The following EMC3 variants were observed in gnomAD, a reference collection of about 807,000 sequenced individuals.
The protein encoded by EMC3 is ER membrane protein complex subunit 3, also known as 30 kDa protein.
In EMC3, 13 loss-of-function variants were observed where a neutral mutation model predicts 36.6. That is an observed-to-expected ratio of 0.35 (90% CI 0.23 to 0.56). The LOEUF is 0.56. Among genes scored for constraint, EMC3 ranks in the 20% least tolerant of loss-of-function variants. EMC3 has a pLI of 0.84. For missense variants in EMC3, 220 were observed against 324.5 expected, an observed-to-expected ratio of 0.68 and a Z score of 2.47; for synonymous variants, 120 against 111.9, an observed-to-expected ratio of 1.07 and a Z score of -0.46.
At chr3:10,009,299 C>G (rs1291026753) in intron 1 of EMC3, among the ~76,000 whole-genome samples, 2 of 152,216 alleles carry the variant, frequency 1.3e-5, no homozygotes, top group Non-Finnish European at 2.9e-5. Context: ...TTGCTAGTAT[C>G]TGTCCCCTTT....
chr3:9,975,481 T>G (rs1228103694), intron 3 of EMC3, among the ~76,000 whole-genome samples: 2 of 151,832 alleles, frequency 1.3e-5, no homozygotes, highest in East Asian at 3.9e-4. Context: ...GACAATCTTT[T>G]CAATCTTTTG....
chr3:9,973,830 A>ATTTCCTTGT, intron 4 of EMC3, 121 bp from the exon 5 acceptor site: 1 of 876,156 alleles, frequency 1.1e-6, no homozygotes, highest in Non-Finnish European at 1.9e-6. Flanking sequence ...GACTTCCACA[A>ATTTCCTTGT]GGAAATCTGT....
chr3:9,982,780 G>A lies in EMC3; in HGVS notation c.155+3727C>T, dbSNP rs115152696. 9.2e-3 allele frequency among the ~76,000 whole-genome samples: 1,393 copies of A among 151,896 alleles called. 16 individuals are homozygous for A. Among genetic ancestry groups the A allele is most frequent in the Non-Finnish European group, 0.015 (1,040 of 67,930 alleles). ...CACACGCTTATAATCCCAGCTACTC[G>A]AGAGGCTGAGGTGGGAGGATCCTTG... On this transcript the variant is annotated intron_variant, in intron 1 of 7. Coordinates refer to ENST00000245046, the MANE Select transcript of EMC3 (RefSeq NM_001394674.1).
At chr3:9,975,776 C>T (rs1477247544) in intron 3 of EMC3, among the ~76,000 whole-genome samples, 2 of 143,676 alleles carry the variant, frequency 1.4e-5, no homozygotes, top group South Asian at 2.2e-4. Context: ...CGCACCACTG[C>T]ACTCCAGCCT....
chr3:10,002,008 C>CAT (rs1055615337), intron 1 of EMC3, among the ~76,000 whole-genome samples: 81 of 151,898 alleles, frequency 5.3e-4, no homozygotes, highest in African/African-American at 1.4e-3. Context: ...TGAAAAAATA[C>CAT]ATATATATAT....
intron 7 of EMC3, among the ~76,000 whole-genome samples, chr3:9,965,819 C>T (rs2124897820): frequency 6.6e-6 from 1 of 152,302 alleles, no homozygotes; most frequent in Middle Eastern, 3.4e-3. Flanking sequence ...GTATTCCACT[C>T]TTATTTATAG....
At position 9,963,430 on chromosome 3, in the gene EMC3, G is replaced by A. The variant is rs548490060; in HGVS notation, c.*639C>T. ...AGCTATAATTAACAATGCTTCCTTC[G>A]AAGACTGGGCTTCTGCTAAGATAGA... On this transcript the variant is annotated 3_prime_UTR_variant, in exon 8 of 8. Transcript: ENST00000245046. The A allele has an allele frequency of 4.2e-5, 6 of 143,354 alleles. No individual in the cohort carries two copies. The highest frequency in any genetic ancestry group is 2.2e-4 in the South Asian group (1 of 4,582). 8.9% of individuals were successfully genotyped at this position (143,354 alleles called of 1,614,324 possible).
At chr3:9,988,578 C>G, upstream of EMC3, 1 of 878,710 alleles carries the variant, frequency 1.1e-6, no homozygotes, top group Admixed American at 1.9e-5. Flanking sequence ...AAAACTCATT[C>G]AAGTGGAAAT....
Position 9,986,839 on chromosome 3 carries a change from C to G in EMC3, c.-178G>C. 1 of 1,390,056 alleles carries G rather than the reference C, an allele frequency of 7.2e-7. No homozygotes were observed. The highest frequency in any genetic ancestry group is 9.3e-7 in the Non-Finnish European group (1 of 1,069,766). 86.1% of individuals were successfully genotyped at this position (1,390,056 alleles called of 1,614,324 possible). A position where few individuals can be genotyped will look rare whatever the true frequency, so the allele number is the denominator to read the frequency against. ...TTCAGCTGGGCTGCCTGGTCTTCCA[C>G]TTCCGGCGCGAACGTTGACGTCACG... On this transcript the variant is annotated 5_prime_UTR_variant, in exon 1 of 8. Coordinates refer to ENST00000245046, the MANE Select transcript of EMC3 (RefSeq NM_001394674.1).
chr3:10,007,551 G>A (rs775439348), intron 1 of EMC3: 16 of 1,367,548 alleles, frequency 1.2e-5, no homozygotes, highest in African/African-American at 4.4e-5. Context: ...GAGGCCTGAC[G>A]TAGGAGTGCT....
At chr3:9,997,660 A>G (rs149050410) in intron 1 of EMC3, among the ~76,000 whole-genome samples, 8 of 151,218 alleles carry the variant, frequency 5.3e-5, no homozygotes, top group African/African-American at 1.5e-4. Flanking sequence ...GGGTTTCATC[A>G]TGTTGGCCAG....
intron 1 of EMC3, chr3:10,010,008 G>C (rs1282737551): frequency 6.6e-6 from 1 of 152,346 alleles, no homozygotes; most frequent in Admixed American, 6.5e-5. Context: ...CAGAGCCTCC[G>C]TGGGTCCCAC....
chr3:9,996,010 G>A (rs1268198064), intron 1 of EMC3, among the ~76,000 whole-genome samples: 1 of 152,140 alleles, frequency 6.6e-6, no homozygotes, highest in East Asian at 1.9e-4. Context: ...CCCTCAAAAA[G>A]CTCTGTCTAT....
rs549062178 is a variant in EMC3, at chr3:10,004,169, T to C, written c.-242+6854A>G. ...GCAAAAATTTAAAGTGGAAGCTATT[T>C]TTCCCCAGTCTACTTTTCCTGAGGT... On this transcript the variant is annotated intron_variant, in intron 1 of 8. Coordinates refer to the EMC3 transcript ENST00000470827. 3 of 152,310 alleles carry C rather than the reference T, an allele frequency of 2.0e-5. No individual in the cohort carries two copies. The South Asian group carries it at 6.2e-4, about 32-fold the overall frequency. 9.4% of individuals were successfully genotyped at this position (152,310 alleles called of 1,614,324 possible). A position where few individuals can be genotyped will look rare whatever the true frequency, so the allele number is the denominator to read the frequency against.
At chr3:10,008,325 G>C (rs1040955266) in intron 1 of EMC3, 2 of 1,141,626 alleles carry the variant, frequency 1.8e-6, no homozygotes, top group Admixed American at 2.1e-5. Context: ...AGCTGGGCTG[G>C]GTCAAGGGAC....
rs985733044 is a variant in EMC3 at position 9,970,945 on chromosome 3, C to T, written c.495-284G>A. ...TTCCATACTTTTTTTTTTTTTGAGA[C>T]GGAGTCTCACCCTGTTACCCAGGCT... On this transcript the variant is annotated intron_variant, in intron 5 of 7. Transcript: ENST00000245046. Among the ~76,000 whole-genome samples, 28 of 148,956 alleles carry T rather than the reference C, an allele frequency of 1.9e-4. 1 individual carries two copies. In the East Asian group the frequency reaches 4.9e-3, roughly 26 times the overall value.
chr3:10,007,875 A>T (rs1575708383), intron 1 of EMC3, among the ~76,000 whole-genome samples: 1 of 152,294 alleles, frequency 6.6e-6, no homozygotes, highest in Admixed American at 6.5e-5. Flanking sequence ...GATGGTGGCC[A>T]GGGTCAGTCC....
In EMC3 at chr3:9,986,765, G is replaced by A. The variant is rs2085978522; in HGVS notation, c.-104C>T. 6.5e-7 allele frequency: 1 copy of A among 1,542,794 alleles called. No individual in the cohort carries two copies. The highest frequency in any genetic ancestry group is 2.3e-5 in the East Asian group (1 of 44,194). On this transcript the variant is annotated 5_prime_UTR_variant, in exon 1 of 8. Coordinates refer to ENST00000245046, the MANE Select transcript of EMC3 (RefSeq NM_001394674.1). ...CCTCCGGGCCTTCTCAAGCCCCTTT[G>A]CCCGTGTACCCCAGAACTCTCCTGC...
At position 9,975,608 on chromosome 3, in the gene EMC3, G is replaced by C. The variant is rs1015188816; in HGVS notation, c.308-1120C>G. 5.9e-5 allele frequency among the ~76,000 whole-genome samples: 9 copies of C among 151,846 alleles called. No homozygotes were observed. The East Asian group carries it at 1.6e-3, about 26-fold the overall frequency. On this transcript the variant is annotated intron_variant, in intron 3 of 7. Coordinates refer to ENST00000245046, the MANE Select transcript of EMC3 (RefSeq NM_001394674.1). ...CGGGCGGATCACGAGGTCAGGAGATGGAGACCATCCTGGCTAACACAATGA... is the reference window on the plus strand; with the variant it reads ...CGGGCGGATCACGAGGTCAGGAGATCGAGACCATCCTGGCTAACACAATGA...
Sources: gnomAD v4.1 joint callset for allele counts (sites outside exome capture counted in the v4.1 genomes callset) on GRCh38, gnomAD v4.1.1 for gene constraint, MANE v1.5 for transcripts, NCBI Gene and HGNC (gene_info 2026-07-23, HGNC 2026-07-21) for gene names.